TRERF1: variants seen among roughly 807,000 people sequenced by gnomAD.
The protein encoded by TRERF1 is transcriptional-regulating factor 1.
In TRERF1, 27 loss-of-function variants were observed where a neutral mutation model predicts 122.9. That is an observed-to-expected ratio of 0.22 (90% CI 0.16 to 0.30). The LOEUF (loss-of-function observed/expected upper bound fraction) is 0.30, where lower values mean the gene tolerates loss of function less well. TRERF1 is among the 10% of genes least tolerant of loss of function. The probability of loss-of-function intolerance (pLI) is 1.00; values close to 1 mark genes in which losing one functional copy is unlikely to be tolerated. For synonymous variants in TRERF1, 636 were observed against 641.7 expected (o/e 0.99, Z 0.13); for missense variants, 1,248 against 1,560.3 (o/e 0.80, Z 3.37).
chr6:42,436,800 C>CAAA lies in TRERF1; in HGVS notation c.-454+14374_-454+14376dup, dbSNP rs775861205. Among the ~76,000 whole-genome samples the CAAA allele has an allele frequency of 1.6e-3, 127 of 77,520 alleles. 1 individual carries two copies. The highest frequency in any genetic ancestry group is 5.9e-3 in the African/African-American group (93 of 15,806). 50.9% of individuals were successfully genotyped at this position (77,520 alleles called of 152,430 possible). ...ATGAATTATTTGCAATCTCCCTCTA[C>CAAA]AAAAAAAAAAAAAAATATATATATA... On this transcript the variant is annotated intron_variant, in intron 2 of 17. Transcript: ENST00000372922.
chr6:42,329,069 A>T (rs76738345), intron 3 of TRERF1, among the ~76,000 whole-genome samples: 16,273 of 152,112 alleles, frequency 0.11, 1,472 homozygotes, highest in African/African-American at 0.25. Flanking sequence ...TGCTGTTATC[A>T]CAGTGAGGAC....
At chr6:42,303,138 T>C (rs531317544) in intron 3 of TRERF1, among the ~76,000 whole-genome samples, 1 of 152,184 alleles carries the variant, frequency 6.6e-6, no homozygotes, top group Non-Finnish European at 1.5e-5. Flanking sequence ...CATTCACCCA[T>C]CCAATGTTGG....
intron 12 of TRERF1, among the ~76,000 whole-genome samples, chr6:42,256,517 G>T (rs1776775852): frequency 6.6e-6 from 1 of 152,166 alleles, no homozygotes; most frequent in Admixed American, 6.5e-5. Flanking sequence ...TTTAGGAACA[G>T]ATGTGGAAAC....
chr6:42,380,507 C>T (rs1775734212), intron 2 of TRERF1, among the ~76,000 whole-genome samples: 1 of 152,202 alleles, frequency 6.6e-6, no homozygotes, highest in African/African-American at 2.4e-5. Context: ...TCCATATTCT[C>T]CTCTGTGACA....
chr6:42,354,386 C>T (rs1581748077), intron 3 of TRERF1, among the ~76,000 whole-genome samples: 4 of 145,300 alleles, frequency 2.8e-5, no homozygotes, highest in Non-Finnish European at 1.5e-5. Flanking sequence ...TGTTGTTTCC[C>T]TTTTTTTTTT....
intron 17 of TRERF1, among the ~76,000 whole-genome samples, chr6:42,231,273 C>T (rs1485347726): frequency 1.3e-5 from 2 of 152,114 alleles, no homozygotes; most frequent in Admixed American, 6.6e-5. Flanking sequence ...GATGCAGGCC[C>T]CTTGACCTTG....
intron 2 of TRERF1, among the ~76,000 whole-genome samples, chr6:42,405,667 C>T (rs756598030): frequency 2.0e-5 from 3 of 151,818 alleles, no homozygotes; most frequent in Non-Finnish European, 2.9e-5. Context: ...TGGTGATGCA[C>T]ATCTGTAGTC....
chr6:42,396,456 C>T (rs1778599883), intron 2 of TRERF1, among the ~76,000 whole-genome samples: 1 of 152,170 alleles, frequency 6.6e-6, no homozygotes, highest in South Asian at 2.1e-4. Context: ...TAAATTTACC[C>T]AGCCCATCTT....
At chr6:42,266,392 T>A (rs909454245) in intron 5 of TRERF1, among the ~76,000 whole-genome samples, 1 of 152,126 alleles carries the variant, frequency 6.6e-6, no homozygotes, top group Non-Finnish European at 1.5e-5. Context: ...TCTCGCTATG[T>A]TGCTTAGGCT....
chr6:42,277,905 G>GGAAGAAGAAGAAGAAGAAGAAGAA (rs70987587), intron 4 of TRERF1, among the ~76,000 whole-genome samples: 40 of 85,082 alleles, frequency 4.7e-4, no homozygotes, highest in East Asian at 1.4e-3. Context: ...GAAGGAAGAA[G>GGAAGAAGAAGAAGAAGAAGAAGAA]GAAGAAGAAG....
intron 2 of TRERF1, among the ~76,000 whole-genome samples, chr6:42,368,475 A>G (rs540994311): frequency 6.6e-6 from 1 of 152,298 alleles, no homozygotes; most frequent in South Asian, 2.1e-4. Flanking sequence ...AAGATAAAAC[A>G]GCAAGCACCA....
intron 2 of TRERF1, among the ~76,000 whole-genome samples, chr6:42,437,311 C>T (rs2151737929): frequency 6.6e-6 from 1 of 152,250 alleles, no homozygotes; most frequent in East Asian, 1.9e-4. Flanking sequence ...AAGCTAACAA[C>T]GTGTGTGAAC....
chr6:42,369,201 G>T (rs1773318328), intron 2 of TRERF1, among the ~76,000 whole-genome samples: 1 of 152,270 alleles, frequency 6.6e-6, no homozygotes, highest in African/African-American at 2.4e-5. Flanking sequence ...TATGATCCTA[G>T]CACTTTGGGA....
At chr6:42,380,029 A>G (rs2151131280) in intron 2 of TRERF1, among the ~76,000 whole-genome samples, 1 of 152,326 alleles carries the variant, frequency 6.6e-6, no homozygotes, top group African/African-American at 2.4e-5. Flanking sequence ...GTGAGGAAGG[A>G]GGGCATTTTA....
intron 2 of TRERF1, among the ~76,000 whole-genome samples, chr6:42,435,117 G>T (rs963433579): frequency 2.1e-5 from 3 of 144,488 alleles, no homozygotes; most frequent in Non-Finnish European, 4.5e-5. Flanking sequence ...GGCAGAAACA[G>T]CAAAACTCTG....
chr6:42,304,697 AAGTC>A (rs1786848645), intron 3 of TRERF1, among the ~76,000 whole-genome samples: 1 of 152,180 alleles, frequency 6.6e-6, no homozygotes, highest in African/African-American at 2.4e-5. Flanking sequence ...TACCCCTTAG[AAGTC>A]AGTAGACCCT....
At chr6:42,426,736 G>A (rs1783685104) in intron 2 of TRERF1, among the ~76,000 whole-genome samples, 1 of 152,132 alleles carries the variant, frequency 6.6e-6, no homozygotes, top group Non-Finnish European at 1.5e-5. Context: ...AGTGATCTGT[G>A]ACTGCTTTTG....
intron 2 of TRERF1, among the ~76,000 whole-genome samples, chr6:42,389,447 T>A (rs561181729): frequency 4.6e-5 from 7 of 152,348 alleles, no homozygotes; most frequent in Admixed American, 3.3e-4. Flanking sequence ...GGCAGGACAC[T>A]GCTCCATCAC....
intron 13 of TRERF1, among the ~76,000 whole-genome samples, chr6:42,251,429 T>C (rs1325836795): frequency 6.6e-6 from 1 of 151,896 alleles, no homozygotes; most frequent in Non-Finnish European, 1.5e-5. Flanking sequence ...TTTTGGGGGG[T>C]GCAAGTTGAA....
Sources: allele counts gnomAD v4.1 joint callset (sites outside exome capture counted in the v4.1 genomes callset), GRCh38; gene constraint gnomAD v4.1.1; transcripts MANE v1.5; gene names NCBI Gene and HGNC (gene_info 2026-07-23, HGNC 2026-07-21).